The following JARID2 variants were observed in gnomAD, a reference collection of about 807,000 sequenced individuals.
The protein encoded by JARID2 is protein Jumonji.
JARID2 carries 21 observed loss-of-function variants against 125.6 expected under a neutral mutation model. The ratio of observed to expected loss-of-function variants is 0.17; its 90% confidence interval spans 0.12 to 0.24. The LOEUF is 0.24. JARID2 is among the 10% of genes least tolerant of loss of function. The pLI is 1.00. For missense variants in JARID2, 1,303 were observed against 1,639.6 expected, an observed-to-expected ratio of 0.79 and a Z score of 3.55; for synonymous variants, 736 against 661.6, an observed-to-expected ratio of 1.11 and a Z score of -1.73.
At chr6:15,302,373 C>T (rs1181096748) in intron 1 of JARID2, among the ~76,000 whole-genome samples, 4 of 152,040 alleles carry the variant, frequency 2.6e-5, no homozygotes, top group East Asian at 3.9e-4. Context: ...TGAGATTGCG[C>T]CACTGCACTC....
intron 3 of JARID2, among the ~76,000 whole-genome samples, chr6:15,419,914 T>G (rs1170973245): frequency 2.0e-5 from 3 of 152,254 alleles, no homozygotes; most frequent in Admixed American, 6.5e-5. Context: ...ATGGAAAAAT[T>G]AGAGCCATTA....
chr6:15,387,396 T>G (rs886598124), intron 2 of JARID2, among the ~76,000 whole-genome samples: 14 of 152,178 alleles, frequency 9.2e-5, no homozygotes, highest in Non-Finnish European at 4.4e-5. Flanking sequence ...TGTCTGTAAG[T>G]CCAAGATCAA....
intron 1 of JARID2, among the ~76,000 whole-genome samples, chr6:15,259,168 T>C (rs1221601703): frequency 1.3e-5 from 2 of 152,210 alleles, no homozygotes; most frequent in South Asian, 2.1e-4. Context: ...TGCATACTTT[T>C]GAATGAACTA....
At chr6:15,464,665 A>G (rs988986031) in intron 4 of JARID2, among the ~76,000 whole-genome samples, 1 of 152,114 alleles carries the variant, frequency 6.6e-6, no homozygotes, top group African/African-American at 2.4e-5. Context: ...CCTGGAGTTC[A>G]TTTTTATTCT....
intron 2 of JARID2, among the ~76,000 whole-genome samples, chr6:15,404,573 A>T (rs377118587): frequency 2.2e-3 from 310 of 140,842 alleles, no homozygotes; most frequent in African/African-American, 7.7e-3. Context: ...ACACACACAC[A>T]GAAATTGCTG....
intron 1 of JARID2, among the ~76,000 whole-genome samples, chr6:15,274,680 T>C (rs1032987274): frequency 6.6e-6 from 1 of 152,166 alleles, no homozygotes; most frequent in African/African-American, 2.4e-5. Flanking sequence ...CAGGGCAATA[T>C]TGTGTTGGCC....
intron 2 of JARID2, among the ~76,000 whole-genome samples, chr6:15,390,291 T>G (rs1764949242): frequency 6.6e-6 from 1 of 152,162 alleles, no homozygotes; most frequent in Non-Finnish European, 1.5e-5. Flanking sequence ...CACTTCTGCC[T>G]AGTCCCCAGA....
rs753166289 is a variant in JARID2 at position 15,508,323 on chromosome 6, C to T, written c.2732-17C>T. On this transcript the variant is annotated splice_polypyrimidine_tract_variant and intron_variant, in intron 11 of 17. Transcript: ENST00000341776. ...GCCTAGCTTTTAAAAATGCCCTTTT[C>T]ACTCTTTCTGTTTTAGGAGTGACTA... 2 of 1,315,822 alleles carry T rather than the reference C, an allele frequency of 1.5e-6. No homozygotes were observed. The highest frequency in any genetic ancestry group is 1.7e-5 in the Admixed American group (1 of 59,576). 81.5% of individuals were successfully genotyped at this position (1,315,822 alleles called of 1,614,324 possible).
At chr6:15,452,695 A>G (rs771526488) in intron 4 of JARID2, among the ~76,000 whole-genome samples, 2 of 152,234 alleles carry the variant, frequency 1.3e-5, no homozygotes, top group Non-Finnish European at 2.9e-5. Context: ...ATACTGGTCC[A>G]TGTTTCAACT....
chr6:15,426,120 A>G (rs1200942984), intron 3 of JARID2, among the ~76,000 whole-genome samples: 3 of 152,128 alleles, frequency 2.0e-5, no homozygotes, highest in Admixed American at 1.3e-4. Flanking sequence ...AGTACTGGGC[A>G]GTTTGCCTTG....
chr6:15,313,455 A>G (rs960587412), intron 1 of JARID2, among the ~76,000 whole-genome samples: 14 of 152,126 alleles, frequency 9.2e-5, no homozygotes, highest in Admixed American at 2.6e-4. Context: ...AGGGTCTTGC[A>G]TTTGTGCCTC....
chr6:15,326,726 C>A (rs902733982), intron 1 of JARID2, among the ~76,000 whole-genome samples: 11 of 152,192 alleles, frequency 7.2e-5, no homozygotes, highest in Admixed American at 2.6e-4. Context: ...GTCTCAAACT[C>A]CTGGCCTAAA....
At chr6:15,348,591 G>A (rs548842008) in intron 1 of JARID2, among the ~76,000 whole-genome samples, 1 of 152,194 alleles carries the variant, frequency 6.6e-6, no homozygotes, top group East Asian at 1.9e-4. Flanking sequence ...TAACTTGTGG[G>A]TTTTCTTTTC....
At chr6:15,331,588 G>A (rs1762712076) in intron 1 of JARID2, among the ~76,000 whole-genome samples, 1 of 151,832 alleles carries the variant, frequency 6.6e-6, no homozygotes, top group Admixed American at 6.6e-5. Flanking sequence ...GTGGGGGGCC[G>A]GGTGCAGTGG....
intron 1 of JARID2, among the ~76,000 whole-genome samples, chr6:15,259,865 A>T (rs543924961): frequency 1.2e-4 from 18 of 152,298 alleles, no homozygotes; most frequent in African/African-American, 4.1e-4. Context: ...AATAATTTTT[A>T]CTTAGATCTG....
chr6:15,285,095 A>G (rs1277201177), intron 1 of JARID2, among the ~76,000 whole-genome samples: 1 of 139,106 alleles, frequency 7.2e-6, no homozygotes, highest in Admixed American at 7.2e-5. Context: ...CATTAATGTG[A>G]GTCTTTCTGG....
intron 1 of JARID2, among the ~76,000 whole-genome samples, chr6:15,338,491 A>G (rs1355327524): frequency 6.6e-6 from 1 of 152,236 alleles, no homozygotes; most frequent in Non-Finnish European, 1.5e-5. Context: ...GACATTGAGG[A>G]CAGATGGGCT....
Position 15,462,069 on chromosome 6 carries a change from C to G in JARID2, c.494-6473C>G, listed in dbSNP as rs370487471. ...CATACCAGAAAGGACATTAAGTGAA[C>G]GTTTTACATTCATTTTAATTTTAAC... On this transcript the variant is annotated intron_variant, in intron 4 of 17. Coordinates refer to ENST00000341776, the MANE Select transcript of JARID2 (RefSeq NM_004973.4). Among the ~76,000 whole-genome samples, 14 of 152,188 alleles carry G rather than the reference C, an allele frequency of 9.2e-5. No individual in the cohort carries two copies. In the East Asian group the frequency reaches 2.7e-3, roughly 29 times the overall value.
At chr6:15,426,487 G>A (rs1327684948) in intron 3 of JARID2, among the ~76,000 whole-genome samples, 1 of 152,210 alleles carries the variant, frequency 6.6e-6, no homozygotes, top group Non-Finnish European at 1.5e-5. Flanking sequence ...AACCCAGGTA[G>A]TTTGTAGAAT....
Sources: allele counts gnomAD v4.1 joint callset (sites outside exome capture counted in the v4.1 genomes callset), GRCh38; gene constraint gnomAD v4.1.1; transcripts MANE v1.5; gene names NCBI Gene and HGNC (gene_info 2026-07-23, HGNC 2026-07-21).